The following EXOC4 variants were observed in gnomAD, a reference collection of about 807,000 sequenced individuals.
The protein encoded by EXOC4 is SEC8-like 1.
Under a neutral mutation model 107.2 loss-of-function variants are expected in EXOC4, and 71 were observed. The ratio of observed to expected loss-of-function variants is 0.66; its 90% CI spans 0.55 to 0.81. The LOEUF is 0.81. EXOC4 is among the 30% of genes least tolerant of loss of function. EXOC4 has a pLI of 0.00. For synonymous variants in EXOC4, 456 were observed against 441.2 expected, an observed-to-expected ratio of 1.03 and a Z score of -0.42; for missense variants, 1,108 against 1,189.6, an observed-to-expected ratio of 0.93 and a Z score of 1.01.
At chr7:133,308,240 A>G (rs1046982278) in intron 4 of EXOC4, among the ~76,000 whole-genome samples, 1 of 152,200 alleles carries the variant, frequency 6.6e-6, no homozygotes, top group Non-Finnish European at 1.5e-5. Flanking sequence ...TTGGGGCTGA[A>G]TTATGTTCCC....
chr7:133,290,895 GTGT>G (rs1342843052), intron 3 of EXOC4: 12 of 152,184 alleles, frequency 7.9e-5, no homozygotes, highest in Non-Finnish European at 1.3e-4. Flanking sequence ...TGTCACCTGT[GTGT>G]TTTCTCTGCA....
chr7:133,269,317 C>T (rs544128356), intron 1 of EXOC4, among the ~76,000 whole-genome samples: 1 of 152,278 alleles, frequency 6.6e-6, no homozygotes, highest in East Asian at 1.9e-4. Context: ...GTAGAAAGAG[C>T]ATGGATTTTG....
chr7:133,364,310 T>A (rs1340267333), intron 6 of EXOC4, among the ~76,000 whole-genome samples: 1 of 151,884 alleles, frequency 6.6e-6, no homozygotes, highest in Non-Finnish European at 1.5e-5. Context: ...AAAGTATTTT[T>A]TTTTTTTTTT....
chr7:133,628,884 G>C (rs557659774), intron 9 of EXOC4, among the ~76,000 whole-genome samples: 1 of 152,296 alleles, frequency 6.6e-6, no homozygotes, highest in East Asian at 1.9e-4. Flanking sequence ...AACTTTGCAG[G>C]ATGGATATCA....
chr7:133,470,990 A>C (rs929555748), intron 7 of EXOC4, among the ~76,000 whole-genome samples: 1 of 152,182 alleles, frequency 6.6e-6, no homozygotes, highest in Non-Finnish European at 1.5e-5. Context: ...ATCATCAATA[A>C]ATTATATAGT....
At chr7:133,265,473 G>A (rs1484105502) in intron 1 of EXOC4, among the ~76,000 whole-genome samples, 1 of 152,018 alleles carries the variant, frequency 6.6e-6, no homozygotes, top group Non-Finnish European at 1.5e-5. Flanking sequence ...GGTGGTTCAG[G>A]TGCTTGATGA....
chr7:133,797,777 A>G (rs1402940068), intron 10 of EXOC4, among the ~76,000 whole-genome samples: 1 of 152,228 alleles, frequency 6.6e-6, no homozygotes, highest in African/African-American at 2.4e-5. Context: ...CCACAAGCTT[A>G]CATTTATTCA....
chr7:133,402,384 G>C (rs536539660), intron 7 of EXOC4, among the ~76,000 whole-genome samples: 2 of 152,130 alleles, frequency 1.3e-5, no homozygotes, highest in Admixed American at 6.6e-5. Flanking sequence ...CTCCTAATTC[G>C]GTGCTTCTCA....
intron 9 of EXOC4, among the ~76,000 whole-genome samples, chr7:133,521,801 A>ACCAT (rs1799985330): frequency 6.6e-6 from 1 of 151,918 alleles, no homozygotes; most frequent in Admixed American, 6.6e-5. Flanking sequence ...TTGTATTTTT[A>ACCAT]GTAGAGACGT....
At chr7:133,852,665 T>C (rs1268563512) in intron 11 of EXOC4, among the ~76,000 whole-genome samples, 1 of 152,202 alleles carries the variant, frequency 6.6e-6, no homozygotes, top group Non-Finnish European at 1.5e-5. Context: ...CAAGGGATGA[T>C]TGAAGTTTAA....
At chr7:133,821,352 G>A (rs1797516249) in intron 11 of EXOC4, among the ~76,000 whole-genome samples, 1 of 152,116 alleles carries the variant, frequency 6.6e-6, no homozygotes, top group Non-Finnish European at 1.5e-5. Context: ...AAACCCAGGC[G>A]ATGCAACCCT....
intron 9 of EXOC4, among the ~76,000 whole-genome samples, chr7:133,565,431 ACT>A (rs1800889292): frequency 6.6e-6 from 1 of 152,136 alleles, no homozygotes; most frequent in Non-Finnish European, 1.5e-5. Context: ...GATGCTACCT[ACT>A]CAAAGGTATG....
intron 14 of EXOC4, among the ~76,000 whole-genome samples, chr7:133,966,495 G>A (rs188306270): frequency 1.4e-4 from 21 of 152,250 alleles, no homozygotes; most frequent in African/African-American, 2.2e-4. Context: ...TTTGAGGTAC[G>A]TTCCATCAGT....
chr7:134,058,799 G>A (rs1386507113), intron 17 of EXOC4, among the ~76,000 whole-genome samples: 3 of 152,046 alleles, frequency 2.0e-5, no homozygotes, highest in Non-Finnish European at 2.9e-5. Flanking sequence ...TTGTATTAAG[G>A]TGGTTTTAGA....
At chr7:133,467,317 A>ATC (rs1554458239) in intron 7 of EXOC4, among the ~76,000 whole-genome samples, 1 of 145,574 alleles carries the variant, frequency 6.9e-6, no homozygotes, top group East Asian at 2.0e-4. Context: ...GTATAATCTT[A>ATC]TTGCCACTGC....
chr7:133,992,437 C>G (rs1274668261), intron 14 of EXOC4, among the ~76,000 whole-genome samples: 1 of 152,086 alleles, frequency 6.6e-6, no homozygotes, highest in Non-Finnish European at 1.5e-5. Flanking sequence ...CACCCGCCAC[C>G]AAGCCCGGAT....
chr7:134,013,599 A>G (rs1431924589), intron 17 of EXOC4, among the ~76,000 whole-genome samples: 1 of 152,246 alleles, frequency 6.6e-6, no homozygotes, highest in Non-Finnish European at 1.5e-5. Context: ...CTAATGTAAG[A>G]TGTTAATAAT....
chr7:133,908,355 G>A (rs1030302191), intron 12 of EXOC4, among the ~76,000 whole-genome samples: 40 of 152,218 alleles, frequency 2.6e-4, no homozygotes, highest in African/African-American at 8.9e-4. Context: ...ACGTGGCAAA[G>A]GCCACAGAGC....
At chr7:133,958,484 T>A (rs1017566747) in intron 14 of EXOC4, among the ~76,000 whole-genome samples, 3 of 152,208 alleles carry the variant, frequency 2.0e-5, no homozygotes, top group African/African-American at 7.2e-5. Flanking sequence ...ATTTTATCCC[T>A]TGCTAAATGT....
Sources: allele counts gnomAD v4.1 joint callset (sites outside exome capture counted in the v4.1 genomes callset), GRCh38; gene constraint gnomAD v4.1.1; transcripts MANE v1.5; gene names NCBI Gene and HGNC (gene_info 2026-07-23, HGNC 2026-07-21).